Variants in NEU3 observed in about 807,000 individuals in gnomAD.
NEU3 encodes the protein neuraminidase 3.
A neutral mutation model predicts 11.4 loss-of-function variants in NEU3; 10 were observed. That is an observed-to-expected ratio of 0.88 (90% confidence interval 0.54 to 1.49). The LOEUF is 1.49. Ranked by LOEUF, NEU3 falls within the 40% of genes most tolerant of loss-of-function variation. The pLI, the probability that NEU3 is intolerant of heterozygous loss-of-function variation, is 0.00. For missense variants in NEU3, 529 were observed against 581.8 expected (o/e 0.91, Z 0.93); for synonymous variants, 212 against 228.2 (o/e 0.93, Z 0.64).
At chr11:75,013,595 A>G (rs900832637), downstream of NEU3, among the ~76,000 whole-genome samples, 5 of 152,124 alleles carry the variant, frequency 3.3e-5, no homozygotes, top group Admixed American at 2.6e-4. Context: ...CTGGGTATGG[A>G]AGAGGGAAAT....
In NEU3 at chr11:75,008,710, A is replaced by G. The variant is rs566757011; in HGVS notation, c.*2218A>G. On this transcript the variant is annotated 3_prime_UTR_variant, in exon 3 of 3. Coordinates refer to ENST00000294064, the MANE Select transcript of NEU3 (RefSeq NM_006656.6). ...GCTGGGATTACAGGTGCCTGCCACT[A>G]CGCCCAGCTAATTTTTTGTATTTTT... 6.6e-6 allele frequency: 1 copy of G among 152,046 alleles called. No homozygotes were observed. The highest frequency in any genetic ancestry group is 2.1e-4 in the South Asian group (1 of 4,802). The allele number at this position is 152,046 out of a possible 1,614,324, so 9.4% of individuals were successfully genotyped here. A position where few individuals can be genotyped will look rare whatever the true frequency, so the allele number is the denominator to read the frequency against.
chr11:75,006,454 A>G lies in NEU3; in HGVS notation c.1348A>G (p.Ser450Gly). The G allele has an allele frequency of 1.2e-6, 2 of 1,613,628 alleles. No individual in the cohort carries two copies. Among genetic ancestry groups the G allele is most frequent in the Non-Finnish European group, 1.7e-6 (2 of 1,179,664 alleles). Reference protein sequence around the residue: ...ILSHLQGDCTSPGRNPSQFKS... With the variant: ...ILSHLQGDCTGPGRNPSQFKS... Reference sequence around the variant, plus strand: ...GAGTCACCTGCAGGGGGACTGCACCAGCCCTGGTAGGAACCCAAGCCAATT... The same window carrying G: ...GAGTCACCTGCAGGGGGACTGCACCGGCCCTGGTAGGAACCCAAGCCAATT... The change falls in exon 3 of 3, where the codon AGC becomes GGC. Residue 450 changes from serine to glycine, a missense_variant. Physicochemically the swap from Ser to Gly is moderately conservative, Grantham distance 56. Transcript: ENST00000294064.
chr11:74,999,859 A>G (rs1021012948), intron 2 of NEU3, among the ~76,000 whole-genome samples: 97 of 152,352 alleles, frequency 6.4e-4, no homozygotes, highest in African/African-American at 2.2e-3. Context: ...AGTACCTGAA[A>G]GCTGTATTCA....
At chr11:75,019,646 G>A (rs1948995667), downstream of NEU3, among the ~76,000 whole-genome samples, 1 of 152,212 alleles carries the variant, frequency 6.6e-6, no homozygotes, top group Non-Finnish European at 1.5e-5. Context: ...GCCTCCCAGT[G>A]CACAGAAGTC....
chr11:74,990,418 GC>G (rs2140232520), intron 1 of NEU3, among the ~76,000 whole-genome samples: 1 of 152,050 alleles, frequency 6.6e-6, no homozygotes, highest in East Asian at 1.9e-4. Flanking sequence ...GTGCAGTGGT[GC>G]AGTCTCGGCT....
intron 2 of NEU3, chr11:75,004,167 T>C: frequency 2.0e-6 from 1 of 507,108 alleles, no homozygotes; most frequent in Non-Finnish European, 3.4e-6. Flanking sequence ...GTTGAACCAT[T>C]TGCACTTCAA....
In NEU3 at chr11:75,018,740, C is replaced by T. The variant is rs757137402; in HGVS notation, c.*51C>T. 8 of 152,192 alleles carry T rather than the reference C, an allele frequency of 5.3e-5. No homozygotes were observed. In the South Asian group the frequency reaches 6.2e-4, roughly 12 times the overall value. The allele number at this position is 152,192 out of a possible 1,614,324, so 9.4% of individuals were successfully genotyped here. A position where few individuals can be genotyped will look rare whatever the true frequency, so the allele number is the denominator to read the frequency against. ...TGGTACCAGTAGAGTGGGGCATTGC[C>T]GAAAAGATACCCAAAAATGTGGAAA... On this transcript the variant is annotated 3_prime_UTR_variant, in exon 4 of 4. Transcript: ENST00000529024.
upstream of NEU3, among the ~76,000 whole-genome samples, chr11:74,987,337 C>A (rs1948675521): frequency 6.6e-6 from 1 of 152,144 alleles, no homozygotes; most frequent in African/African-American, 2.4e-5. Flanking sequence ...CCATATTTGG[C>A]CAGTGGAATC....
rs555974493 is a variant in NEU3 at position 75,006,013 on chromosome 11, C to T, written c.907C>T (p.Arg303Ter). Reference protein sequence around the residue: ...GEGFQRLALSRQLCEPPHGCQ... With the variant: ...GEGFQRLALS ...AGGCTTTCAGAGACTGGCCCTGAGTCGACAGCTCTGTGAGCCCCCACATGG... is the reference window on the plus strand; with the variant it reads ...AGGCTTTCAGAGACTGGCCCTGAGTTGACAGCTCTGTGAGCCCCCACATGG... Residue 303 changes from arginine to a stop codon, truncating the protein, a stop_gained, in exon 3 of 3, where the codon CGA becomes TGA. Transcript: ENST00000294064. LOFTEE classifies it low-confidence loss of function (END_TRUNC). The T allele has an allele frequency of 2.1e-5, 34 of 1,613,956 alleles. No homozygotes were observed. In the East Asian group the frequency reaches 3.8e-4, roughly 18 times the overall value.
chr11:74,983,426 A>G (rs1481259415), upstream of NEU3, among the ~76,000 whole-genome samples: 1 of 152,184 alleles, frequency 6.6e-6, no homozygotes, highest in East Asian at 1.9e-4. Flanking sequence ...TACTCAGGCC[A>G]TTTTCCATTA....
chr11:74,996,497 C>G (rs1299111829), intron 2 of NEU3, among the ~76,000 whole-genome samples: 3 of 152,212 alleles, frequency 2.0e-5, no homozygotes, highest in Non-Finnish European at 2.9e-5. Flanking sequence ...GGCTCCACTT[C>G]TAATTCTCTT....
At chr11:75,000,005 G>A (rs191529081) in intron 2 of NEU3, among the ~76,000 whole-genome samples, 13 of 152,184 alleles carry the variant, frequency 8.5e-5, no homozygotes, top group Non-Finnish European at 1.5e-4. Flanking sequence ...TGAGATAGCA[G>A]TGTCCTTTTT....
intron 2 of NEU3, among the ~76,000 whole-genome samples, chr11:74,998,506 A>AT (rs879533013): frequency 3.3e-5 from 5 of 152,200 alleles, no homozygotes; most frequent in Non-Finnish European, 7.3e-5. Flanking sequence ...TTGTAAAAAA[A>AT]ATATATAGTT....
chr11:74,996,790 G>A (rs1256187272), intron 2 of NEU3, among the ~76,000 whole-genome samples: 3 of 152,132 alleles, frequency 2.0e-5, no homozygotes, highest in African/African-American at 4.8e-5. Context: ...TCCTTGATCC[G>A]TGGGCTACAG....
chr11:74,985,928 C>CA (rs1948663545), upstream of NEU3, among the ~76,000 whole-genome samples: 3 of 152,234 alleles, frequency 2.0e-5, no homozygotes, highest in Non-Finnish European at 4.4e-5. Context: ...ATACTGCAAT[C>CA]AAACAGTCTA....
chr11:75,020,338 G>A (rs1361196011), downstream of NEU3, among the ~76,000 whole-genome samples: 1 of 152,190 alleles, frequency 6.6e-6, no homozygotes, highest in Non-Finnish European at 1.5e-5. Flanking sequence ...GTTTTGAAAT[G>A]TGAGGACCTG....
chr11:74,994,890 G>A lies in NEU3; in HGVS notation c.306+170G>A, dbSNP rs921836252. 4.6e-5 allele frequency: 33 copies of A among 712,514 alleles called. 1 individual carries two copies. Among genetic ancestry groups the A allele is most frequent in the Admixed American group, 1.4e-4 (7 of 49,898 alleles). The allele number at this position is 712,514 out of a possible 1,614,324, so 44.1% of individuals were successfully genotyped here. A position where few individuals can be genotyped will look rare whatever the true frequency, so the allele number is the denominator to read the frequency against. ...CTCACTGAGTGCTTATTGTGTGCCA[G>A]GGGCACATTGGGTCCTCACAGCCAT... On this transcript the variant is annotated intron_variant, in intron 2 of 2. Coordinates refer to ENST00000294064, the MANE Select transcript of NEU3 (RefSeq NM_006656.6).
chr11:74,994,257 A>G (rs12290239), intron 1 of NEU3, among the ~76,000 whole-genome samples: 9,041 of 152,266 alleles, frequency 0.059, 356 homozygotes, highest in African/African-American at 0.12. Flanking sequence ...CTGCTCCAAG[A>G]TACATACTTG....
At chr11:74,994,810 A>C in intron 2 of NEU3, 90 bp downstream of exon 2, 1 of 1,220,460 alleles carries the variant, frequency 8.2e-7, no homozygotes. Flanking sequence ...TCTCATCAGT[A>C]CAGGAAAGCC....
Sources: gnomAD v4.1 joint callset for allele counts (sites outside exome capture counted in the v4.1 genomes callset) on GRCh38, gnomAD v4.1.1 for gene constraint, MANE v1.5 for transcripts, NCBI Gene and HGNC (gene_info 2026-07-23, HGNC 2026-07-21) for gene names.